The following SLC44A5 variants were observed in gnomAD, a reference collection of about 807,000 sequenced individuals.
The protein encoded by SLC44A5 is choline transporter-like protein 5.
In SLC44A5, 57 loss-of-function variants were observed where a neutral mutation model predicts 101.8. The ratio of observed to expected loss-of-function variants is 0.56; its 90% confidence interval spans 0.45 to 0.70. The LOEUF (loss-of-function observed/expected upper bound fraction) is 0.70, where lower values mean the gene tolerates loss of function less well. SLC44A5 is among the 30% of genes least tolerant of loss of function. SLC44A5 has a pLI of 0.00. For missense variants in SLC44A5, 737 were observed against 853.1 expected, an observed-to-expected ratio of 0.86 and a Z score of 1.70; for synonymous variants, 281 against 290.9, an observed-to-expected ratio of 0.97 and a Z score of 0.35.
the SLC44A5 span, among the ~76,000 whole-genome samples, chr1:75,619,569 C>T: frequency 6.6e-6 from 1 of 151,952 alleles, no homozygotes; most frequent in East Asian, 1.9e-4. Context: ...AACAAAAACA[C>T]AAACACAAAA....
At chr1:75,329,446 A>G (rs79986727) in intron 4 of SLC44A5, among the ~76,000 whole-genome samples, 1 of 148,556 alleles carries the variant, frequency 6.7e-6, no homozygotes, top group Admixed American at 6.7e-5. Context: ...ACATTTCTTG[A>G]TTTTTTTTTT....
At chr1:75,653,823 G>A in the SLC44A5 span, among the ~76,000 whole-genome samples, 2 of 152,220 alleles carry the variant, frequency 1.3e-5, no homozygotes, top group South Asian at 4.1e-4. Flanking sequence ...TAAGTCAATT[G>A]TCAGAACTTT....
chr1:75,626,967 T>G, the SLC44A5 span, among the ~76,000 whole-genome samples: 1 of 152,174 alleles, frequency 6.6e-6, no homozygotes, highest in African/African-American at 2.4e-5. Context: ...TTCTATGTTC[T>G]AGGCACACTG....
chr1:75,388,911 T>A (rs562668174), intron 3 of SLC44A5, among the ~76,000 whole-genome samples: 1 of 152,164 alleles, frequency 6.6e-6, no homozygotes, highest in Non-Finnish European at 1.5e-5. Flanking sequence ...CCTTTCTCTG[T>A]CTTCAAGAGA....
At chr1:75,236,965 A>G in intron 11 of SLC44A5, 22 bp downstream of exon 11, 1 of 1,328,868 alleles carries the variant, frequency 7.5e-7, no homozygotes, top group Non-Finnish European at 1.1e-6. Flanking sequence ...TGGAGAAGAA[A>G]CATCTATGTG....
chr1:75,299,998 CA>C (rs1654304531), intron 5 of SLC44A5, among the ~76,000 whole-genome samples: 1 of 117,724 alleles, frequency 8.5e-6, no homozygotes, highest in Non-Finnish European at 1.6e-5. Context: ...CCTGGGAACA[CA>C]GTGAGACTCT....
At chr1:75,392,995 C>T (rs1661894293) in intron 3 of SLC44A5, among the ~76,000 whole-genome samples, 1 of 152,100 alleles carries the variant, frequency 6.6e-6, no homozygotes, top group South Asian at 2.1e-4. Context: ...ACACTAGGGA[C>T]TATAAGATGG....
At position 75,215,852 on chromosome 1, in the gene SLC44A5, G is replaced by GGGT; in HGVS notation, c.1627_1629dup (p.Thr543dup). The GGGT allele has an allele frequency of 6.4e-7, 1 of 1,553,742 alleles. No homozygotes were observed. The highest frequency in any genetic ancestry group is 1.1e-5 in the South Asian group (1 of 88,476). On this transcript the variant is annotated inframe_insertion, in exon 19 of 24. Coordinates refer to ENST00000370859, the MANE Select transcript of SLC44A5 (RefSeq NM_001130058.2). ...TGTAGGAATTTAGACAATGTGTTCT[G>GGGT]GGTACCTATGAGAAGGAGATATTTA...
chr1:75,502,915 C>G (rs890522519), intron 2 of SLC44A5, among the ~76,000 whole-genome samples: 1 of 152,080 alleles, frequency 6.6e-6, no homozygotes, highest in East Asian at 1.9e-4. Flanking sequence ...GCAATTTGCT[C>G]TGCCATGCCT....
chr1:75,324,878 A>G (rs1020561829), intron 4 of SLC44A5, among the ~76,000 whole-genome samples: 1 of 152,182 alleles, frequency 6.6e-6, no homozygotes, highest in Non-Finnish European at 1.5e-5. Context: ...CCAAAGAATA[A>G]CAACAACAAG....
At position 75,279,263 on chromosome 1, in the gene SLC44A5, T is replaced by C. The variant is rs540650899; in HGVS notation, c.176-4221A>G. ...TACTCTGTACCTCCATGAGATCCACTTTTTTAAGTTTTTGTAATGTTAGAA... is the reference window on the plus strand; with the variant it reads ...TACTCTGTACCTCCATGAGATCCACCTTTTTAAGTTTTTGTAATGTTAGAA... On this transcript the variant is annotated intron_variant, in intron 5 of 23. Transcript: ENST00000370859. 2.2e-4 allele frequency among the ~76,000 whole-genome samples: 34 copies of C among 152,238 alleles called. No individual in the cohort carries two copies. The South Asian group carries it at 6.8e-3, about 31-fold the overall frequency.
chr1:75,387,818 CCAA>C (rs1315284903), intron 3 of SLC44A5, among the ~76,000 whole-genome samples: 31 of 109,786 alleles, frequency 2.8e-4, no homozygotes, highest in Non-Finnish European at 3.9e-4. Context: ...ACCCAAATGT[CCAA>C]CAATGATAGA....
chr1:75,684,635 C>T, the SLC44A5 span, among the ~76,000 whole-genome samples: 88 of 152,296 alleles, frequency 5.8e-4, no homozygotes, highest in African/African-American at 1.9e-3. Flanking sequence ...AAATGATTTC[C>T]TTTAACTCCA....
chr1:75,500,966 T>C (rs542074067), intron 2 of SLC44A5, among the ~76,000 whole-genome samples: 15 of 152,262 alleles, frequency 9.9e-5, no homozygotes, highest in African/African-American at 3.6e-4. Context: ...TTGCCCTAAT[T>C]TGTAGGGTTG....
the SLC44A5 span, among the ~76,000 whole-genome samples, chr1:75,640,553 T>C: frequency 6.6e-6 from 1 of 152,112 alleles, no homozygotes; most frequent in Non-Finnish European, 1.5e-5. Flanking sequence ...ATAATGGTAG[T>C]TCTTTCTGTA....
At chr1:75,402,697 T>C (rs562927846) in intron 2 of SLC44A5, among the ~76,000 whole-genome samples, 42 of 152,086 alleles carry the variant, frequency 2.8e-4, no homozygotes, top group Non-Finnish European at 5.9e-5. Flanking sequence ...AACCCACAGA[T>C]TAGGAGGTTC....
intron 2 of SLC44A5, among the ~76,000 whole-genome samples, chr1:75,540,127 A>G (rs899953116): frequency 6.6e-6 from 1 of 152,186 alleles, no homozygotes; most frequent in African/African-American, 2.4e-5. Context: ...ACCCTTTGTA[A>G]CACACTTCTG....
chr1:75,711,432 A>G, the SLC44A5 span, among the ~76,000 whole-genome samples: 1 of 152,232 alleles, frequency 6.6e-6, no homozygotes, highest in African/African-American at 2.4e-5. Context: ...AGAAAAAAAT[A>G]AATCAAACTT....
chr1:75,368,674 A>ACACAC (rs1553167852), intron 3 of SLC44A5, among the ~76,000 whole-genome samples: 38 of 148,366 alleles, frequency 2.6e-4, no homozygotes, highest in African/African-American at 5.1e-4. Flanking sequence ...CACACACACC[A>ACACAC]CACTCAAATT....
Sources: gnomAD v4.1 joint callset for allele counts (sites outside exome capture counted in the v4.1 genomes callset) on GRCh38, gnomAD v4.1.1 for gene constraint, MANE v1.5 for transcripts, NCBI Gene and HGNC (gene_info 2026-07-23, HGNC 2026-07-21) for gene names.